Variants in SMAD4 observed in about 807,000 individuals in gnomAD.
SMAD4 encodes the protein MAD homolog 4.
A neutral mutation model predicts 63.2 loss-of-function variants in SMAD4; 7 were observed. The observed-to-expected ratio is 0.11, with a 90% confidence interval of 0.06 to 0.21. SMAD4 has a LOEUF of 0.21. SMAD4 is among the 10% of genes least tolerant of loss of function. The pLI is 1.00. For synonymous variants in SMAD4, 215 were observed against 235.4 expected, an observed-to-expected ratio of 0.91 and a Z score of 0.79; for missense variants, 312 against 693.8, an observed-to-expected ratio of 0.45 and a Z score of 6.18.
chr18:51,082,391 A>C lies in SMAD4; in HGVS notation c.*3924A>C, dbSNP rs944455126. The stretch of plus-strand genomic sequence containing the variant: ...CTTTGAACATACCAAGAAGTATGTA[A>C]AAAGTCCATGGCCTTATTCATCCAC... On this transcript the variant is annotated 3_prime_UTR_variant, in exon 12 of 12. Coordinates refer to ENST00000342988, the MANE Select transcript of SMAD4 (RefSeq NM_005359.6). 4.4e-6 allele frequency: 1 copy of C among 228,566 alleles called. No homozygotes were observed. Among genetic ancestry groups the C allele is most frequent in the Admixed American group, 5.7e-5 (1 of 17,632 alleles). 14.2% of individuals were successfully genotyped at this position (228,566 alleles called of 1,614,324 possible). A position where few individuals can be genotyped will look rare whatever the true frequency, so the allele number is the denominator to read the frequency against.
intron 9 of SMAD4, among the ~76,000 whole-genome samples, chr18:51,065,976 A>C (rs1599196009): frequency 6.6e-6 from 1 of 152,252 alleles, no homozygotes; most frequent in East Asian, 1.9e-4. Flanking sequence ...TAATGTTAAA[A>C]AAATTGGTAA....
Position 51,069,473 on chromosome 18 carries a change from A to G in SMAD4, c.1308+2286A>G, listed in dbSNP as rs75060377. 2.9e-3 allele frequency among the ~76,000 whole-genome samples: 436 copies of G among 152,152 alleles called. 4 individuals are homozygous for G. The highest frequency in any genetic ancestry group is 0.01 in the African/African-American group (422 of 41,518). On this transcript the variant is annotated intron_variant, in intron 10 of 11. Coordinates refer to ENST00000342988, the MANE Select transcript of SMAD4 (RefSeq NM_005359.6). ...TTATATGTTTTGTAGTCCATTTTGT[A>G]TTCGTGGGCCAAGTTTGTTTTGAGA... is the stretch of plus-strand genomic sequence containing the variant.
At chr18:51,045,175 A>T (rs1041375114) in intron 1 of SMAD4, 1 of 152,244 alleles carries the variant, frequency 6.6e-6, no homozygotes, top group Non-Finnish European at 1.5e-5. Flanking sequence ...ATAGTGAAGG[A>T]AAGAGGCACG....
chr18:51,075,510 G>C (rs1238257007), intron 10 of SMAD4, among the ~76,000 whole-genome samples: 1 of 152,160 alleles, frequency 6.6e-6, no homozygotes, highest in African/African-American at 2.4e-5. Flanking sequence ...GAGCAGCCTT[G>C]CTTCAGAACC....
In SMAD4 at chr18:51,083,951, A is replaced by G. The variant is rs1910673704; in HGVS notation, c.*5484A>G. 8.7e-6 allele frequency: 2 copies of G among 228,782 alleles called. No individual in the cohort carries two copies. The highest frequency in any genetic ancestry group is 2.2e-5 in the African/African-American group (1 of 44,928). The allele number at this position is 228,782 out of a possible 1,614,324, so 14.2% of individuals were successfully genotyped here. Reference sequence around the variant, plus strand: ...TGCCCTTAAGACTTAATTTTAACCAAAGGCCTAGCACCACCTTAGGGGCTG... The same window carrying G: ...TGCCCTTAAGACTTAATTTTAACCAGAGGCCTAGCACCACCTTAGGGGCTG... On this transcript the variant is annotated 3_prime_UTR_variant, in exon 12 of 12. Transcript: ENST00000342988.
At chr18:51,046,515 G>A (rs1251863583) in intron 1 of SMAD4, among the ~76,000 whole-genome samples, 1 of 151,294 alleles carries the variant, frequency 6.6e-6, no homozygotes, top group Non-Finnish European at 1.5e-5. Flanking sequence ...CCAGGCGATG[G>A]TAAATTTTTC....
In SMAD4 at chr18:51,058,444, C is replaced by A. The variant is rs2144429377; in HGVS notation, c.892C>A (p.Pro298Thr). ...GCACCACCCGCCTATGCCGCCCCATCCCGGACATTACTGTAAGCTCTTGTT... is the reference window on the plus strand; with the variant it reads ...GCACCACCCGCCTATGCCGCCCCATACCGGACATTACTGTAAGCTCTTGTT... ...LQHHPPMPPH[P>T]GHYWPVHNEL... The change falls in exon 7 of 12, where the codon CCC (proline) becomes ACC (threonine). Residue 298 changes from proline to threonine, a missense_variant. By Grantham distance (38) the Pro-to-Thr change is conservative (BLOSUM62 -1). This residue lies in a region of SMAD4 where 169 missense variants were observed against 211.0 expected (regional missense o/e 0.80). Coordinates refer to ENST00000342988, the MANE Select transcript of SMAD4 (RefSeq NM_005359.6). 6.2e-7 allele frequency: 1 copy of A among 1,612,770 alleles called. No homozygotes were observed. The highest frequency in any genetic ancestry group is 8.5e-7 in the Non-Finnish European group (1 of 1,179,032).
chr18:51,062,391 C>T (rs1029865441), intron 8 of SMAD4, among the ~76,000 whole-genome samples: 4 of 152,162 alleles, frequency 2.6e-5, no homozygotes, highest in African/African-American at 7.2e-5. Context: ...AACCCTCCTA[C>T]CCCATGAATT....
At chr18:51,032,006 T>G (rs1307946377) in intron 1 of SMAD4, among the ~76,000 whole-genome samples, 1 of 152,216 alleles carries the variant, frequency 6.6e-6, no homozygotes, top group Non-Finnish European at 1.5e-5. Context: ...TTAAAATTAG[T>G]GTTTCTTCCA....
chr18:51,050,928 T>C (rs1358083201), intron 4 of SMAD4, among the ~76,000 whole-genome samples: 1 of 152,134 alleles, frequency 6.6e-6, no homozygotes, highest in Admixed American at 6.5e-5. Context: ...AGTGTGGGTT[T>C]ATTATTAGGA....
At chr18:51,048,087 C>T (rs961080370) in intron 2 of SMAD4, among the ~76,000 whole-genome samples, 2 of 152,144 alleles carry the variant, frequency 1.3e-5, no homozygotes, top group Non-Finnish European at 2.9e-5. Context: ...GAAATTTTGT[C>T]GTAGATTTTA....
chr18:51,051,025 CTT>C (rs896830258), intron 4 of SMAD4: 5 of 152,978 alleles, frequency 3.3e-5, no homozygotes, highest in Non-Finnish European at 7.0e-5. Flanking sequence ...TGTATCACTT[CTT>C]TTTTTTTTTG....
rs539287374 is a variant in SMAD4 at position 51,060,889 on chromosome 18, T to TTTTA, written c.955+997_955+1000dup. 4.1e-3 allele frequency among the ~76,000 whole-genome samples: 615 copies of TTTTA among 151,810 alleles called. 6 individuals are homozygous for TTTTA. In the East Asian group the frequency reaches 0.043, roughly 11 times the overall value. ...GCTAAAGCAGTCCTCCTGCTAATAA[T>TTTTA]TTTATTTATTTATTTATTTATTTAT... On this transcript the variant is annotated intron_variant, in intron 8 of 11. Coordinates refer to ENST00000342988, the MANE Select transcript of SMAD4 (RefSeq NM_005359.6).
At chr18:51,046,665 G>A (rs907917315) in intron 1 of SMAD4, among the ~76,000 whole-genome samples, 1 of 152,126 alleles carries the variant, frequency 6.6e-6, no homozygotes, top group Non-Finnish European at 1.5e-5. Context: ...CTATCATAAT[G>A]AGAAGACCTA....
intron 10 of SMAD4, 52 bp downstream of exon 10, chr18:51,067,239 C>T: frequency 9.7e-7 from 1 of 1,031,650 alleles, no homozygotes; most frequent in Non-Finnish European, 1.5e-6. Context: ...TATTTGTTGT[C>T]AAAAGAATTG....
At chr18:51,040,056 CTAAGT>C (rs1352892582) in intron 1 of SMAD4, among the ~76,000 whole-genome samples, 1 of 151,982 alleles carries the variant, frequency 6.6e-6, no homozygotes, top group Admixed American at 6.6e-5. Flanking sequence ...GTTGGTAAAC[CTAAGT>C]TTAGAGTTTA....
At chr18:51,061,503 C>T (rs1253099208) in intron 8 of SMAD4, among the ~76,000 whole-genome samples, 1 of 152,170 alleles carries the variant, frequency 6.6e-6, no homozygotes, top group African/African-American at 2.4e-5. Flanking sequence ...ACCTCCAGTT[C>T]TATCCATGTT....
At chr18:51,076,037 G>A (rs1379112896) in intron 10 of SMAD4, among the ~76,000 whole-genome samples, 1 of 152,128 alleles carries the variant, frequency 6.6e-6, no homozygotes, top group Non-Finnish European at 1.5e-5. Flanking sequence ...TATACCCATC[G>A]CACGGATTAA....
chr18:51,049,233 A>G (rs138704821), intron 3 of SMAD4, 62 bp from the exon 4 acceptor site: 3 of 1,247,602 alleles, frequency 2.4e-6, no homozygotes, highest in East Asian at 2.3e-5. Flanking sequence ...CTGTTTTTAA[A>G]TGGAAAATAC....
Sources: allele counts gnomAD v4.1 joint callset (sites outside exome capture counted in the v4.1 genomes callset), GRCh38; gene constraint gnomAD v4.1.1; regional missense constraint gnomAD v4.1.1; transcripts MANE v1.5; gene names NCBI Gene and HGNC (gene_info 2026-07-23, HGNC 2026-07-21).